SMIM13: variants seen among roughly 807,000 people sequenced by gnomAD.
SMIM13 encodes small integral membrane protein 13.
A neutral mutation model predicts 5.9 loss-of-function variants in SMIM13; 3 were observed. The ratio of observed to expected loss-of-function variants is 0.51; its 90% CI spans 0.23 to 1.31. The LOEUF is 1.31. Ranked by LOEUF, SMIM13 falls within the 40% of genes most tolerant of loss-of-function variation. SMIM13 has a pLI of 0.18. For missense variants in SMIM13, 85 were observed against 109.9 expected, an observed-to-expected ratio of 0.77 and a Z score of 1.01; for synonymous variants, 55 against 46.0, an observed-to-expected ratio of 1.19 and a Z score of -0.79.
chr6:11,109,723 C>T (rs1213525923), intron 1 of SMIM13, among the ~76,000 whole-genome samples: 1 of 152,106 alleles, frequency 6.6e-6, no homozygotes, highest in Admixed American at 6.5e-5. Flanking sequence ...TCAACCCAGG[C>T]TGTATTACAG....
At chr6:11,124,106 A>G (rs1166354092) in intron 1 of SMIM13, among the ~76,000 whole-genome samples, 2 of 152,156 alleles carry the variant, frequency 1.3e-5, no homozygotes, top group East Asian at 1.9e-4. Context: ...TATTCATTCT[A>G]TCTAAATATG....
chr6:11,137,306 C>T lies in SMIM13; in HGVS notation c.*2704C>T, dbSNP rs562919321. On this transcript the variant is annotated 3_prime_UTR_variant, in exon 2 of 2. Coordinates refer to ENST00000416247, the MANE Select transcript of SMIM13 (RefSeq NM_001135575.2). The stretch of plus-strand genomic sequence containing the variant: ...AGAACTTTTTTCTCTTCGTGCACCT[C>T]ACAACACACTTACCATGGTACATAT... The T allele has an allele frequency of 6.0e-4, 92 of 152,194 alleles. No individual in the cohort carries two copies. Among genetic ancestry groups the T allele is most frequent in the African/African-American group, 2.0e-3 (83 of 41,548 alleles). The allele number at this position is 152,194 out of a possible 1,614,324, so 9.4% of individuals were successfully genotyped here.
At chr6:11,114,769 T>G (rs902181490) in intron 1 of SMIM13, among the ~76,000 whole-genome samples, 2 of 140,920 alleles carry the variant, frequency 1.4e-5, no homozygotes, top group African/African-American at 5.6e-5. Flanking sequence ...CAGCTAATTT[T>G]TGTATTTTTT....
intron 1 of SMIM13, among the ~76,000 whole-genome samples, chr6:11,132,316 G>A (rs1470390091): frequency 6.6e-6 from 1 of 152,126 alleles, no homozygotes; most frequent in African/African-American, 2.4e-5. Flanking sequence ...ATACATTGCA[G>A]GTGGGAATGT....
At chr6:11,122,485 G>A (rs1208907076) in intron 1 of SMIM13, among the ~76,000 whole-genome samples, 1 of 151,352 alleles carries the variant, frequency 6.6e-6, no homozygotes. Context: ...TGGACCAAAA[G>A]TCAGGCCTGT....
intron 1 of SMIM13, among the ~76,000 whole-genome samples, chr6:11,106,570 C>T (rs559857363): frequency 6.6e-6 from 1 of 152,320 alleles, no homozygotes; most frequent in East Asian, 1.9e-4. Flanking sequence ...GAGAAGTTCT[C>T]CCAACCTATA....
At chr6:11,097,901 T>A (rs192846016) in intron 1 of SMIM13, among the ~76,000 whole-genome samples, 1,968 of 151,980 alleles carry the variant, frequency 0.013, 46 homozygotes, top group African/African-American at 0.043. Flanking sequence ...TCTTTTTTTT[T>A]AAAAAAGAAA....
intron 1 of SMIM13, chr6:11,103,562 T>C (rs1758030578): frequency 1.5e-6 from 2 of 1,350,634 alleles, no homozygotes; most frequent in South Asian, 1.6e-5. Context: ...CTGTGGGTCT[T>C]GGCCTCTTGC....
intron 1 of SMIM13, among the ~76,000 whole-genome samples, chr6:11,101,446 A>G (rs958923905): frequency 6.6e-6 from 1 of 152,196 alleles, no homozygotes; most frequent in Non-Finnish European, 1.5e-5. Context: ...ACTGTAATAG[A>G]GCTGTTTCTC....
intron 1 of SMIM13, among the ~76,000 whole-genome samples, chr6:11,115,952 G>A (rs1031211031): frequency 8.0e-5 from 12 of 149,786 alleles, no homozygotes; most frequent in African/African-American, 2.9e-4. Flanking sequence ...CTCCCAAAGT[G>A]CTGGGATTAC....
At chr6:11,111,571 G>A (rs928591962) in intron 1 of SMIM13, 3 of 152,470 alleles carry the variant, frequency 2.0e-5, no homozygotes, top group Admixed American at 1.3e-4. Flanking sequence ...GAGAGGAATC[G>A]TTCCAGGGGT....
intron 1 of SMIM13, among the ~76,000 whole-genome samples, chr6:11,110,030 C>T (rs560771548): frequency 6.6e-6 from 1 of 152,286 alleles, no homozygotes; most frequent in South Asian, 2.1e-4. Flanking sequence ...TTACCAGGTA[C>T]CCCTAACCTT....
At chr6:11,103,457 C>G (rs13214911) in intron 1 of SMIM13, 3 of 526,578 alleles carry the variant, frequency 5.7e-6, no homozygotes, top group Non-Finnish European at 9.4e-6. Flanking sequence ...ACATTTCCCC[C>G]CCTCAAGAGT....
chr6:11,126,049 TA>T (rs529015649), intron 1 of SMIM13, among the ~76,000 whole-genome samples: 46 of 152,326 alleles, frequency 3.0e-4, no homozygotes, highest in African/African-American at 1.1e-3. Flanking sequence ...TATTTTCATT[TA>T]TTTTATTTAT....
Position 11,134,607 on chromosome 6 carries a change from G to A in SMIM13, c.*5G>A, listed in dbSNP as rs765447782. On this transcript the variant is annotated 3_prime_UTR_variant, in exon 2 of 2. Coordinates refer to ENST00000416247, the MANE Select transcript of SMIM13 (RefSeq NM_001135575.2). ...GGCCACAGACCCCTGACATAGTCCT[G>A]TACTTGTGAAGGATGAAAAGGCAGT... 3.4e-6 allele frequency: 5 copies of A among 1,480,504 alleles called. No homozygotes were observed. The highest frequency in any genetic ancestry group is 3.6e-6 in the Non-Finnish European group (4 of 1,110,066). The allele number at this position is 1,480,504 out of a possible 1,614,324, so 91.7% of individuals were successfully genotyped here.
chr6:11,121,784 G>A (rs1263716428), intron 1 of SMIM13, among the ~76,000 whole-genome samples: 7 of 152,180 alleles, frequency 4.6e-5, no homozygotes, highest in Non-Finnish European at 7.3e-5. Flanking sequence ...CTTGGAGCAA[G>A]ATACAGTCAT....
chr6:11,112,259 T>C (rs1206672882), intron 1 of SMIM13, among the ~76,000 whole-genome samples: 1 of 138,616 alleles, frequency 7.2e-6, no homozygotes, highest in African/African-American at 2.5e-5. Flanking sequence ...AACTGCTTGC[T>C]TTTTTTTTTT....
intron 1 of SMIM13, among the ~76,000 whole-genome samples, chr6:11,094,729 A>G (rs1363238213): frequency 6.6e-6 from 1 of 152,120 alleles, no homozygotes; most frequent in Non-Finnish European, 1.5e-5. Flanking sequence ...GAAGTGATTG[A>G]TTGGTCCTTT....
At position 11,104,559 on chromosome 6, in the gene SMIM13, G is replaced by T. The variant is rs150256083; in HGVS notation, c.76+10170G>T. 3 of 1,603,170 alleles carry T rather than the reference G, an allele frequency of 1.9e-6. No homozygotes were observed. In the African/African-American group the frequency reaches 4.0e-5, roughly 21 times the overall value. On this transcript the variant is annotated intron_variant, in intron 1 of 1. Transcript: ENST00000416247. ...GCCTGCTAAGACTTGGACGCAGGGT[G>T]TTTGGCTCTGGTTAGCTCCCTTGGT...
Sources: allele counts gnomAD v4.1 joint callset (sites outside exome capture counted in the v4.1 genomes callset), GRCh38; gene constraint gnomAD v4.1.1; transcripts MANE v1.5; gene names NCBI Gene and HGNC (gene_info 2026-07-23, HGNC 2026-07-21).